SRGAP1: variants seen among roughly 807,000 people sequenced by gnomAD.
SRGAP1 encodes SLIT-ROBO Rho GTPase-activating protein 1.
SRGAP1 carries 43 observed loss-of-function variants against 121.9 expected under a neutral mutation model. The ratio of observed to expected loss-of-function variants is 0.35; its 90% CI spans 0.28 to 0.46. The LOEUF is 0.46. Among genes scored for constraint, SRGAP1 ranks in the 20% least tolerant of loss-of-function variants. The pLI is 1.00. For synonymous variants in SRGAP1, 447 were observed against 485.4 expected, an observed-to-expected ratio of 0.92 and a Z score of 1.04; for missense variants, 1,102 against 1,350.9, an observed-to-expected ratio of 0.82 and a Z score of 2.89.
intron 1 of SRGAP1, among the ~76,000 whole-genome samples, chr12:63,868,467 C>T (rs1899739995): frequency 6.6e-6 from 1 of 152,128 alleles, no homozygotes; most frequent in Non-Finnish European, 1.5e-5. Context: ...TCTTGACTTT[C>T]TGGGCTCAGG....
chr12:64,023,432 A>G (rs781634670), intron 4 of SRGAP1, among the ~76,000 whole-genome samples: 1 of 152,154 alleles, frequency 6.6e-6, no homozygotes, highest in Non-Finnish European at 1.5e-5. Context: ...CCACTACCAA[A>G]ATCTCAAAAG....
intron 8 of SRGAP1, among the ~76,000 whole-genome samples, chr12:64,078,062 C>G (rs1246415742): frequency 6.6e-6 from 1 of 152,106 alleles, no homozygotes; most frequent in African/African-American, 2.4e-5. Context: ...ACTGCACACC[C>G]AACACAATTG....
chr12:64,084,821 A>G, intron 10 of SRGAP1, among the ~76,000 whole-genome samples: 1 of 152,110 alleles, frequency 6.6e-6, no homozygotes, highest in East Asian at 1.9e-4. Context: ...TCTCATTGGC[A>G]TCATTATTGA....
In SRGAP1 at chr12:64,142,867, T is replaced by A. The variant is rs1484299039; in HGVS notation, c.*195T>A. On this transcript the variant is annotated 3_prime_UTR_variant, in exon 22 of 22. Transcript: ENST00000355086. ...ATTTGTATTTTGTAATTTTTTTAAATAACTGGACATATGTCATTTTAAGGA... is the reference window on the plus strand; with the variant it reads ...ATTTGTATTTTGTAATTTTTTTAAAAAACTGGACATATGTCATTTTAAGGA... 1 of 697,846 alleles carries A rather than the reference T, an allele frequency of 1.4e-6. No homozygotes were observed. The highest frequency in any genetic ancestry group is 3.0e-5 in the Admixed American group (1 of 33,226). 43.2% of individuals were successfully genotyped at this position (697,846 alleles called of 1,614,324 possible).
intron 21 of SRGAP1, among the ~76,000 whole-genome samples, chr12:64,131,209 G>T (rs1379021171): frequency 6.6e-6 from 1 of 152,168 alleles, no homozygotes; most frequent in East Asian, 1.9e-4. Context: ...CTCTGCTGAG[G>T]TCACCCGTTG....
chr12:63,874,739 C>T (rs1468129546), intron 1 of SRGAP1, among the ~76,000 whole-genome samples: 2 of 151,986 alleles, frequency 1.3e-5, no homozygotes, highest in Admixed American at 1.3e-4. Flanking sequence ...ATATAAAGTG[C>T]TAGAAGAATG....
intron 1 of SRGAP1, among the ~76,000 whole-genome samples, chr12:63,894,398 C>T (rs1217573008): frequency 1.3e-5 from 2 of 152,022 alleles, no homozygotes; most frequent in Non-Finnish European, 2.9e-5. Context: ...ACAGTTATTG[C>T]TCTAATATTG....
At chr12:64,090,047 A>G (rs1206728907) in intron 11 of SRGAP1, among the ~76,000 whole-genome samples, 1 of 152,206 alleles carries the variant, frequency 6.6e-6, no homozygotes, top group East Asian at 1.9e-4. Context: ...GTATCCTCCT[A>G]TAAGTCTTGC....
Position 64,150,925 on chromosome 12 carries a change from A to C in SRGAP1, c.*8253A>C, listed in dbSNP as rs2037112480. On this transcript the variant is annotated 3_prime_UTR_variant, in exon 22 of 22. Coordinates refer to ENST00000355086, the MANE Select transcript of SRGAP1 (RefSeq NM_020762.4). ...ACTCCAACCTGGGTGGAAGAGTGAG[A>C]AGCTATCTCAAAAAAAAAAAAAAAA... The C allele has an allele frequency of 7.1e-6, 1 of 141,606 alleles. No homozygotes were observed. The highest frequency in any genetic ancestry group is 2.8e-5 in the African/African-American group (1 of 36,338). 8.8% of individuals were successfully genotyped at this position (141,606 alleles called of 1,614,324 possible). A position where few individuals can be genotyped will look rare whatever the true frequency, so the allele number is the denominator to read the frequency against.
At chr12:63,896,188 A>C (rs185606639) in intron 1 of SRGAP1, among the ~76,000 whole-genome samples, 1 of 152,336 alleles carries the variant, frequency 6.6e-6, no homozygotes, top group East Asian at 1.9e-4. Context: ...TAAATGATCT[A>C]TTATCCATGT....
At chr12:64,126,644 A>G (rs2036691249) in intron 19 of SRGAP1, among the ~76,000 whole-genome samples, 2 of 152,326 alleles carry the variant, frequency 1.3e-5, no homozygotes, top group Middle Eastern at 3.4e-3. Context: ...TATTAAGTGA[A>G]AGAAACAGGT....
intron 15 of SRGAP1, among the ~76,000 whole-genome samples, chr12:64,102,623 A>G (rs1362268417): frequency 6.6e-6 from 1 of 152,158 alleles, no homozygotes; most frequent in Non-Finnish European, 1.5e-5. Flanking sequence ...TTCCGTCTCT[A>G]TAGATTTGCC....
At chr12:64,106,904 A>T (rs2036353302) in intron 15 of SRGAP1, among the ~76,000 whole-genome samples, 2 of 152,240 alleles carry the variant, frequency 1.3e-5, no homozygotes, top group South Asian at 4.1e-4. Context: ...AGTATTACTA[A>T]GATCACACTA....
At chr12:64,113,301 C>T (rs789731) in intron 17 of SRGAP1, among the ~76,000 whole-genome samples, 71,544 of 151,540 alleles carry the variant, frequency 0.47, 17,089 homozygotes, top group East Asian at 0.63. Flanking sequence ...CCAGCTACTC[C>T]GGAGGCTGAG....
At chr12:64,038,116 G>T (rs2034937763) in intron 4 of SRGAP1, among the ~76,000 whole-genome samples, 1 of 152,110 alleles carries the variant, frequency 6.6e-6, no homozygotes, top group South Asian at 2.1e-4. Context: ...CTTTGCCTCA[G>T]TTTTTTCATC....
At chr12:63,910,176 A>G (rs2030427532) in intron 1 of SRGAP1, among the ~76,000 whole-genome samples, 1 of 152,230 alleles carries the variant, frequency 6.6e-6, no homozygotes, top group Non-Finnish European at 1.5e-5. Context: ...GATGTTTTAC[A>G]AATGCTTGCT....
intron 1 of SRGAP1, among the ~76,000 whole-genome samples, chr12:63,855,199 A>T (rs1899197755): frequency 6.6e-6 from 1 of 152,152 alleles, no homozygotes; most frequent in Non-Finnish European, 1.5e-5. Flanking sequence ...TACTCTTTGA[A>T]ACCAGATTTT....
chr12:64,024,577 C>A (rs1311738445), intron 4 of SRGAP1, among the ~76,000 whole-genome samples: 1 of 152,202 alleles, frequency 6.6e-6, no homozygotes, highest in Non-Finnish European at 1.5e-5. Context: ...TTCTAAGGAT[C>A]CATGTCTTGC....
In SRGAP1 at chr12:64,097,357, G is replaced by A. The variant is rs368173495; in HGVS notation, c.1795G>A (p.Asp599Asn). 6.8e-6 allele frequency: 11 copies of A among 1,609,378 alleles called. No individual in the cohort carries two copies. Among genetic ancestry groups the A allele is most frequent in the Admixed American group, 5.1e-5 (3 of 58,750 alleles). The change falls in exon 15 of 22, where the codon GAT becomes AAT. Residue 599 changes from aspartate to asparagine, a missense_variant. Around this residue, in one of 3 missense-constraint regions of SRGAP1, gnomAD observed 747 missense variants for 929.4 expected, o/e 0.80. Transcript: ENST00000355086. ...NPLFPKERFN[D>N]LISCIRIDNL... ...CCTCTTTCCTAAGGAAAGATTTAACGATCTGATTTCTTGTATCAGTAAGTG... is the reference window on the plus strand; with the variant it reads ...CCTCTTTCCTAAGGAAAGATTTAACAATCTGATTTCTTGTATCAGTAAGTG...
Sources: gnomAD v4.1 joint callset for allele counts (sites outside exome capture counted in the v4.1 genomes callset) on GRCh38, gnomAD v4.1.1 for gene constraint, gnomAD v4.1.1 regional missense constraint, MANE v1.5 for transcripts, NCBI Gene and HGNC (gene_info 2026-07-23, HGNC 2026-07-21) for gene names.